TENM3: variants seen among roughly 807,000 people sequenced by gnomAD.
TENM3 encodes teneurin transmembrane protein 3.
Under a neutral mutation model 255.1 loss-of-function variants are expected in TENM3, and 63 were observed. The ratio of observed to expected loss-of-function variants is 0.25; its 90% confidence interval spans 0.20 to 0.30. TENM3 has a LOEUF of 0.30. Among genes scored for constraint, TENM3 ranks in the 10% least tolerant of loss-of-function variants. The probability of loss-of-function intolerance (pLI) is 1.00; values close to 1 mark genes in which losing one functional copy is unlikely to be tolerated. For missense variants in TENM3, 2,929 were observed against 3,461.1 expected (o/e 0.85, Z 3.86); for synonymous variants, 1,306 against 1,322.3 (o/e 0.99, Z 0.27).
chr4:181,983,197 C>G, the TENM3 span, among the ~76,000 whole-genome samples: 15 of 152,238 alleles, frequency 9.9e-5, no homozygotes, highest in Middle Eastern at 3.4e-3. Flanking sequence ...AACAGAAGCA[C>G]CTGCGTAGGT....
chr4:182,447,282 A>G (rs1002031055), intron 3 of TENM3, among the ~76,000 whole-genome samples: 1 of 152,070 alleles, frequency 6.6e-6, no homozygotes, highest in Non-Finnish European at 1.5e-5. Context: ...GAAAAAAAAA[A>G]AAACTAAGGT....
chr4:181,847,738 G>C, the TENM3 span, among the ~76,000 whole-genome samples: 1 of 151,698 alleles, frequency 6.6e-6, no homozygotes, highest in Non-Finnish European at 1.5e-5. Context: ...ATGTGTGTAC[G>C]TACACATATG....
chr4:182,685,050 C>T (rs571555795), intron 11 of TENM3, among the ~76,000 whole-genome samples: 9 of 152,202 alleles, frequency 5.9e-5, no homozygotes, highest in Admixed American at 5.2e-4. Flanking sequence ...CCTGGAAGCC[C>T]AGACTAACAA....
At chr4:182,342,053 G>T (rs1437492996) in intron 2 of TENM3, among the ~76,000 whole-genome samples, 1 of 152,174 alleles carries the variant, frequency 6.6e-6, no homozygotes, top group African/African-American at 2.4e-5. Flanking sequence ...ATAAAACACT[G>T]CAGTCATTGT....
At chr4:181,729,554 T>C in the TENM3 span, among the ~76,000 whole-genome samples, 1 of 152,370 alleles carries the variant, frequency 6.6e-6, no homozygotes, top group African/African-American at 2.4e-5. Flanking sequence ...TGTGGCTCTA[T>C]CATTAACAGA....
chr4:182,703,113 A>G (rs918093169), intron 12 of TENM3, among the ~76,000 whole-genome samples: 4 of 152,314 alleles, frequency 2.6e-5, no homozygotes, highest in Non-Finnish European at 5.9e-5. Context: ...GTGTATGTGT[A>G]TAGTGGAATA....
the TENM3 span, among the ~76,000 whole-genome samples, chr4:181,964,439 G>A: frequency 6.6e-6 from 1 of 152,100 alleles, no homozygotes; most frequent in Non-Finnish European, 1.5e-5. Flanking sequence ...TACACGTTCT[G>A]TTTGAAGAAA....
chr4:181,897,971 G>A, the TENM3 span, among the ~76,000 whole-genome samples: 52 of 152,102 alleles, frequency 3.4e-4, 1 homozygote, highest in East Asian at 6.2e-3. Flanking sequence ...AACTGCCATC[G>A]CATTAGAGCA....
chr4:182,194,517 G>A (rs1460091213), intron 1 of TENM3, among the ~76,000 whole-genome samples: 8 of 152,186 alleles, frequency 5.3e-5, no homozygotes, highest in Admixed American at 2.6e-4. Context: ...CTTAAGATGA[G>A]GATTTCGCCT....
At chr4:181,833,453 AG>A in the TENM3 span, among the ~76,000 whole-genome samples, 1 of 152,082 alleles carries the variant, frequency 6.6e-6, no homozygotes, top group African/African-American at 2.4e-5. Context: ...TAACTAAAAC[AG>A]GGGGGCAGGG....
chr4:182,089,079 A>G, the TENM3 span, among the ~76,000 whole-genome samples: 1 of 152,126 alleles, frequency 6.6e-6, no homozygotes, highest in African/African-American at 2.4e-5. Flanking sequence ...TGGTCTATGA[A>G]CTGGGAAGTG....
the TENM3 span, among the ~76,000 whole-genome samples, chr4:181,759,281 A>G: frequency 6.6e-6 from 1 of 152,134 alleles, no homozygotes; most frequent in Admixed American, 6.6e-5. Context: ...ATGTGATAAT[A>G]AGTGTAAATG....
chr4:181,804,118 G>GA, the TENM3 span, among the ~76,000 whole-genome samples: 1 of 132,722 alleles, frequency 7.5e-6, no homozygotes, highest in Non-Finnish European at 1.7e-5. Context: ...GAGAAGGAGG[G>GA]AGGGAAAGGG....
the TENM3 span, among the ~76,000 whole-genome samples, chr4:181,458,923 G>C: frequency 3.1e-4 from 47 of 151,936 alleles, no homozygotes; most frequent in African/African-American, 1.1e-3. Flanking sequence ...TACCTAGAGA[G>C]TGCTATTCCT....
the TENM3 span, among the ~76,000 whole-genome samples, chr4:181,483,006 G>T: frequency 6.6e-6 from 1 of 151,954 alleles, no homozygotes; most frequent in South Asian, 2.1e-4. Flanking sequence ...CCATTCTTTG[G>T]GCATATTAAT....
At chr4:182,376,695 G>A (rs1435995062) in intron 3 of TENM3, among the ~76,000 whole-genome samples, 1 of 151,954 alleles carries the variant, frequency 6.6e-6, no homozygotes, top group African/African-American at 2.4e-5. Flanking sequence ...CGGAGTCAGT[G>A]TACAGAAACC....
chr4:181,985,004 C>T, the TENM3 span, among the ~76,000 whole-genome samples: 3,028 of 152,000 alleles, frequency 0.02, 52 homozygotes, highest in Non-Finnish European at 0.03. Context: ...ATAGTGACGG[C>T]TGCTAATGGG....
the TENM3 span, among the ~76,000 whole-genome samples, chr4:181,464,788 A>C: frequency 6.6e-6 from 1 of 152,086 alleles, no homozygotes; most frequent in Admixed American, 6.5e-5. Context: ...CCGTCTCTAC[A>C]AAAAATACAA....
the TENM3 span, among the ~76,000 whole-genome samples, chr4:181,609,073 G>C: frequency 5.9e-5 from 9 of 152,094 alleles, no homozygotes; most frequent in Admixed American, 5.2e-4. Flanking sequence ...TTTGCAAAAG[G>C]AAGACAGGAA....
Sources: gnomAD v4.1 joint callset for allele counts (sites outside exome capture counted in the v4.1 genomes callset) on GRCh38, gnomAD v4.1.1 for gene constraint, MANE v1.5 for transcripts, NCBI Gene and HGNC (gene_info 2026-07-23, HGNC 2026-07-21) for gene names.